Variants in SLC25A26 observed in about 807,000 individuals in gnomAD.
SLC25A26 encodes mitochondrial S-adenosylmethionine carrier protein.
A neutral mutation model predicts 37.8 loss-of-function variants in SLC25A26; 36 were observed. The ratio of observed to expected loss-of-function variants is 0.95; its 90% CI spans 0.73 to 1.26. The LOEUF (loss-of-function observed/expected upper bound fraction) is 1.26. Ranked by LOEUF, SLC25A26 falls within the 50% of genes most tolerant of loss-of-function variation. The pLI, the probability that SLC25A26 is intolerant of heterozygous loss-of-function variation, is 0.00. For missense variants in SLC25A26, 390 were observed against 331.1 expected (o/e 1.18, Z -1.38); for synonymous variants, 129 against 122.5 (o/e 1.05, Z -0.35).
chr3:66,377,557 G>A lies in SLC25A26; in HGVS notation c.708-133G>A, dbSNP rs999011974. The A allele has an allele frequency of 8.0e-6, 5 of 621,626 alleles. No homozygotes were observed. In the African/African-American group the frequency reaches 9.1e-5, roughly 11 times the overall value. The allele number at this position is 621,626 out of a possible 1,614,324, so 38.5% of individuals were successfully genotyped here. On this transcript the variant is annotated intron_variant, in intron 9 of 9. Coordinates refer to ENST00000354883, the MANE Select transcript of SLC25A26 (RefSeq NM_001379210.1). ...GACACAGCTATTACTTGCCTTATTT[G>A]GGAGCGTTCACAAGCTGTTTGGTAG...
chr3:66,316,042 G>A (rs1228076310), intron 5 of SLC25A26, among the ~76,000 whole-genome samples: 1 of 152,172 alleles, frequency 6.6e-6, no homozygotes, highest in Non-Finnish European at 1.5e-5. Flanking sequence ...ATACAGCACA[G>A]CAATGGATCT....
chr3:66,343,432 A>G (rs969989619), intron 5 of SLC25A26, among the ~76,000 whole-genome samples: 1 of 152,250 alleles, frequency 6.6e-6, no homozygotes, highest in African/African-American at 2.4e-5. Flanking sequence ...CTTGTTTTAG[A>G]GAGTAAAGCT....
chr3:66,306,186 T>A (rs2075215577), intron 5 of SLC25A26, among the ~76,000 whole-genome samples: 1 of 152,208 alleles, frequency 6.6e-6, no homozygotes, highest in Non-Finnish European at 1.5e-5. Context: ...TTCACCATGC[T>A]GGCCAGGCTG....
intron 1 of SLC25A26, among the ~76,000 whole-genome samples, chr3:66,149,580 C>T (rs2070170528): frequency 6.6e-6 from 1 of 152,136 alleles, no homozygotes. Context: ...GTTTTGTTTT[C>T]ATTTATTCCT....
At chr3:66,226,684 A>C (rs2071770421) in intron 1 of SLC25A26, among the ~76,000 whole-genome samples, 1 of 152,094 alleles carries the variant, frequency 6.6e-6, no homozygotes, top group South Asian at 2.1e-4. Context: ...GCTGGTTTTG[A>C]AGTACTGGCC....
At chr3:66,356,549 A>T (rs1180602533) in intron 6 of SLC25A26, among the ~76,000 whole-genome samples, 1 of 152,208 alleles carries the variant, frequency 6.6e-6, no homozygotes, top group Non-Finnish European at 1.5e-5. Flanking sequence ...TCTGTAGCTT[A>T]GTTAATAGTG....
At chr3:66,322,453 T>A (rs1229144929) in intron 5 of SLC25A26, among the ~76,000 whole-genome samples, 5 of 152,230 alleles carry the variant, frequency 3.3e-5, no homozygotes, top group South Asian at 2.1e-4. Context: ...AGTGGAGTTT[T>A]CTTATTAAGA....
intron 6 of SLC25A26, among the ~76,000 whole-genome samples, chr3:66,347,623 G>A (rs1182505350): frequency 6.6e-6 from 1 of 152,048 alleles, no homozygotes; most frequent in Non-Finnish European, 1.5e-5. Context: ...CCCATTACTG[G>A]GTATATACCC....
At chr3:66,150,650 A>C (rs1338184740) in intron 1 of SLC25A26, among the ~76,000 whole-genome samples, 2 of 87,932 alleles carry the variant, frequency 2.3e-5, no homozygotes, top group Non-Finnish European at 4.3e-5. Flanking sequence ...ATATATATAT[A>C]TATATCATGG....
rs2074574358 is a variant in SLC25A26 at position 66,288,068 on chromosome 3, A to G, written c.453+24689A>G. Among the ~76,000 whole-genome samples, 3 of 152,174 alleles carry G rather than the reference A, an allele frequency of 2.0e-5. No individual in the cohort carries two copies. The South Asian group carries it at 6.2e-4, about 32-fold the overall frequency. Reference sequence around the variant, plus strand: ...GCCATGTGTGGATGGGACAGAGGAGAGAGATTCTGCCCCTAGACAGCTTCT... The same window carrying G: ...GCCATGTGTGGATGGGACAGAGGAGGGAGATTCTGCCCCTAGACAGCTTCT... On this transcript the variant is annotated intron_variant, in intron 5 of 9. Transcript: ENST00000354883.
intron 1 of SLC25A26, among the ~76,000 whole-genome samples, chr3:66,162,015 C>A (rs929005841): frequency 6.6e-6 from 1 of 152,168 alleles, no homozygotes; most frequent in Non-Finnish European, 1.5e-5. Context: ...TACTGCAGAC[C>A]TGGTGGCTTC....
intron 5 of SLC25A26, among the ~76,000 whole-genome samples, chr3:66,275,915 A>T (rs2074127726): frequency 6.6e-6 from 1 of 152,070 alleles, no homozygotes; most frequent in African/African-American, 2.4e-5. Context: ...GTCAAGAATT[A>T]CCCTTGATGT....
intron 7 of SLC25A26, among the ~76,000 whole-genome samples, chr3:66,368,937 C>T (rs923145691): frequency 6.7e-6 from 1 of 150,028 alleles, no homozygotes; most frequent in African/African-American, 2.5e-5. Context: ...GGAGAGATCA[C>T]TTGAGCCTAG....
intron 1 of SLC25A26, among the ~76,000 whole-genome samples, chr3:66,213,492 T>C (rs2071315835): frequency 6.6e-6 from 1 of 151,308 alleles, no homozygotes; most frequent in African/African-American, 2.4e-5. Context: ...AGAAATTTTA[T>C]AGTCACAGCA....
intron 9 of SLC25A26, chr3:66,371,317 C>A: frequency 6.5e-7 from 1 of 1,549,570 alleles, no homozygotes. Context: ...ACCTCCTCAT[C>A]CTGATGCCGA....
intron 1 of SLC25A26, among the ~76,000 whole-genome samples, chr3:66,173,806 A>G (rs2070533858): frequency 6.6e-6 from 1 of 152,212 alleles, no homozygotes; most frequent in Non-Finnish European, 1.5e-5. Context: ...TAATCCCTGC[A>G]CTTTGGGAGG....
At position 66,378,689 on chromosome 3, in the gene SLC25A26, A is replaced by G. The variant is rs1302988602; in HGVS notation, c.*882A>G. ...CTAGCAGTGTTGTCTGCCCTGGAGC[A>G]AACAAACAGTATGTGATTTTGCTTC... is the stretch of plus-strand genomic sequence containing the variant. On this transcript the variant is annotated 3_prime_UTR_variant, in exon 10 of 10. Transcript: ENST00000354883. 6.6e-6 allele frequency: 1 copy of G among 152,554 alleles called. No individual in the cohort carries two copies. The highest frequency in any genetic ancestry group is 2.4e-5 in the African/African-American group (1 of 41,462). The allele number at this position is 152,554 out of a possible 1,614,324, so 9.5% of individuals were successfully genotyped here.
At chr3:66,152,954 A>G (rs2070227655) in intron 1 of SLC25A26, among the ~76,000 whole-genome samples, 1 of 152,188 alleles carries the variant, frequency 6.6e-6, no homozygotes, top group East Asian at 1.9e-4. Context: ...AGATGTCTAG[A>G]TTTGTAAAAT....
chr3:66,338,372 AC>A (rs2076136259), intron 5 of SLC25A26, among the ~76,000 whole-genome samples: 3 of 151,968 alleles, frequency 2.0e-5, no homozygotes, highest in Admixed American at 2.0e-4. Flanking sequence ...TCAAAAAACC[AC>A]CTTTCAAAGT....
Sources: gnomAD v4.1 joint callset for allele counts (sites outside exome capture counted in the v4.1 genomes callset) on GRCh38, gnomAD v4.1.1 for gene constraint, MANE v1.5 for transcripts, NCBI Gene and HGNC (gene_info 2026-07-23, HGNC 2026-07-21) for gene names.